DMD: variants seen among roughly 807,000 people sequenced by gnomAD.
The protein encoded by DMD is dystrophin, also known as mutant dystrophin.
Under a neutral mutation model 330.1 loss-of-function variants are expected in DMD, and 63 were observed. The ratio of observed to expected loss-of-function variants is 0.19; its 90% confidence interval spans 0.16 to 0.24. DMD has a LOEUF of 0.24. Among genes scored for constraint, DMD ranks in the 10% least tolerant of loss-of-function variants. The pLI is 1.00. For missense variants in DMD, 3,344 were observed against 2,684.1 expected, an observed-to-expected ratio of 1.25 and a Z score of -5.43; for synonymous variants, 1,223 against 959.8, an observed-to-expected ratio of 1.27 and a Z score of -5.07.
At chrX:32,608,173 A>C (rs5928045) in intron 12 of DMD, among the ~76,000 whole-genome samples, 6,531 of 109,882 alleles carry the variant, frequency 0.059, 201 homozygotes, top group Middle Eastern at 0.13. Flanking sequence ...TGATTTGTAA[A>C]ATAAGAATAT....
intron 7 of DMD, among the ~76,000 whole-genome samples, chrX:32,708,437 T>A (rs1285716985): frequency 9.0e-6 from 1 of 111,419 alleles, no homozygotes; most frequent in Non-Finnish European, 1.9e-5. Flanking sequence ...CCTGTCCCAG[T>A]TTTTATCTAT....
chrX:31,319,405 T>C (rs997776891), intron 62 of DMD, among the ~76,000 whole-genome samples: 1 of 112,182 alleles, frequency 8.9e-6, no homozygotes, highest in East Asian at 2.8e-4. Context: ...ATTAAGGCCA[T>C]TCCTTGAGGT....
intron 41 of DMD, among the ~76,000 whole-genome samples, chrX:32,339,269 G>T (rs2097729940): frequency 9.0e-6 from 1 of 111,725 alleles, no homozygotes; most frequent in Admixed American, 9.5e-5. Context: ...AGACCACACT[G>T]CTGTGATAGT....
At chrX:31,469,111 A>G (rs1157077022) in intron 59 of DMD, among the ~76,000 whole-genome samples, 3 of 110,505 alleles carry the variant, frequency 2.7e-5, no homozygotes, top group South Asian at 3.9e-4. Flanking sequence ...ATGGGTCTTG[A>G]GTCTTTATCC....
intron 48 of DMD, among the ~76,000 whole-genome samples, chrX:31,858,332 T>C (rs2093649281): frequency 8.9e-6 from 1 of 111,819 alleles, no homozygotes. Flanking sequence ...ATTTTCATAC[T>C]GATAACATCT....
At chrX:32,362,299 C>A (rs1451632487) in intron 37 of DMD, among the ~76,000 whole-genome samples, 7 of 111,126 alleles carry the variant, frequency 6.3e-5, no homozygotes, top group African/African-American at 2.3e-4. Context: ...TAAAAAAACA[C>A]CCTAGACCGT....
chrX:32,274,378 G>C (rs897110278), intron 43 of DMD, among the ~76,000 whole-genome samples: 2 of 111,930 alleles, frequency 1.8e-5, no homozygotes, highest in African/African-American at 6.5e-5. Flanking sequence ...TTTATATCTA[G>C]TCAATTTCTT....
intron 1 of DMD, among the ~76,000 whole-genome samples, chrX:33,306,887 G>C (rs2053771196): frequency 9.0e-6 from 1 of 111,579 alleles, no homozygotes; most frequent in African/African-American, 3.3e-5. Context: ...CTTTGGACAA[G>C]TTGTTTATCC....
intron 37 of DMD, among the ~76,000 whole-genome samples, chrX:32,362,505 G>A (rs2147228805): frequency 9.0e-6 from 1 of 111,349 alleles, no homozygotes; most frequent in South Asian, 3.8e-4. Flanking sequence ...ACCCCTGAAA[G>A]TACGTATGTA....
intron 2 of DMD, among the ~76,000 whole-genome samples, chrX:32,988,964 A>C (rs930488337): frequency 1.7e-4 from 19 of 111,881 alleles, no homozygotes; most frequent in Non-Finnish European, 3.2e-4. Context: ...ATGTAGCTTA[A>C]ACTGTTGTGT....
intron 7 of DMD, among the ~76,000 whole-genome samples, chrX:32,777,277 T>TGGGGGGGTGGGGGTTGGG (rs1557019852): frequency 4.7e-4 from 1 of 2,111 alleles, no homozygotes; most frequent in Non-Finnish European, 7.0e-4. Flanking sequence ...GGTTTCTGGT[T>TGGGGGGGTGGGGGTTGGG]GGGGGGGGAA....
Position 32,883,823 on chromosome X carries a change from CAAAA to C in DMD, c.94-34007_94-34004del, listed in dbSNP as rs56150142. Among the ~76,000 whole-genome samples, 170 of 30,287 alleles carry C rather than the reference CAAAA, an allele frequency of 5.6e-3. 1 individual carries two copies. The highest frequency in any genetic ancestry group is 0.022 in the African/African-American group (155 of 6,921). 26.3% of individuals were successfully genotyped at this position (30,287 alleles called of 115,157 possible). ...TGGGTGACAGAGCAAGACTCTGTTT[CAAAA>C]AAAAAAAAAAAAAAAAAAAAAAAAG... is the stretch of plus-strand genomic sequence containing the variant. On this transcript the variant is annotated intron_variant, in intron 2 of 78. Transcript: ENST00000357033.
chrX:31,776,468 C>G (rs2090663810), intron 50 of DMD, among the ~76,000 whole-genome samples: 1 of 107,369 alleles, frequency 9.3e-6, no homozygotes, highest in South Asian at 4.1e-4. Flanking sequence ...TCATGTCACA[C>G]TAAATTTCAA....
chrX:31,564,142 G>A (rs1465024536), intron 55 of DMD, among the ~76,000 whole-genome samples: 1 of 110,988 alleles, frequency 9.0e-6, no homozygotes, highest in African/African-American at 3.3e-5. Context: ...TTCTCCTTCC[G>A]AGCCCTCAGA....
chrX:31,742,876 A>G (rs950659168), intron 51 of DMD, among the ~76,000 whole-genome samples: 8 of 112,295 alleles, frequency 7.1e-5, no homozygotes, highest in Non-Finnish European at 1.3e-4. Flanking sequence ...AGCTCTTCAC[A>G]GTGAAAGAAT....
intron 1 of DMD, among the ~76,000 whole-genome samples, chrX:33,056,157 G>A (rs1442960470): frequency 9.1e-6 from 1 of 110,350 alleles, no homozygotes; most frequent in Non-Finnish European, 1.9e-5. Context: ...GCATTTCTTT[G>A]ATGGAGACAG....
At chrX:32,751,215 A>T (rs1303793388) in intron 7 of DMD, among the ~76,000 whole-genome samples, 1 of 111,372 alleles carries the variant, frequency 9.0e-6, no homozygotes, top group African/African-American at 3.3e-5. Context: ...ACAGTTTGAG[A>T]GCTCAGAAGA....
intron 39 of DMD, among the ~76,000 whole-genome samples, chrX:32,344,743 T>C (rs754903864): frequency 4.5e-5 from 5 of 111,561 alleles, no homozygotes; most frequent in Non-Finnish European, 9.4e-5. Context: ...TTTAGAGGAA[T>C]GCCAGATGAC....
At chrX:31,504,869 T>C (rs942437120) in intron 56 of DMD, among the ~76,000 whole-genome samples, 1 of 112,203 alleles carries the variant, frequency 8.9e-6, no homozygotes, top group African/African-American at 3.2e-5. Context: ...AAACCATTGA[T>C]CTGAATATTT....
Sources: allele counts gnomAD v4.1 joint callset (sites outside exome capture counted in the v4.1 genomes callset), GRCh38; gene constraint gnomAD v4.1.1; transcripts MANE v1.5; gene names NCBI Gene and HGNC (gene_info 2026-07-23, HGNC 2026-07-21).